The following POU2F1 variants were observed in gnomAD, a reference collection of about 807,000 sequenced individuals.
The protein encoded by POU2F1 is POU domain, class 2, transcription factor 1.
A neutral mutation model predicts 84.9 loss-of-function variants in POU2F1; 16 were observed. The observed-to-expected ratio is 0.19, with a 90% CI of 0.13 to 0.29. The LOEUF is 0.29. Among genes scored for constraint, POU2F1 ranks in the 10% least tolerant of loss-of-function variants. The probability of loss-of-function intolerance (pLI) is 1.00; values close to 1 mark genes in which losing one functional copy is unlikely to be tolerated. For missense variants in POU2F1, 738 were observed against 942.6 expected (o/e 0.78, Z 2.84); for synonymous variants, 368 against 368.3 (o/e 1.00, Z 0.01).
intron 2 of POU2F1, among the ~76,000 whole-genome samples, chr1:167,363,586 T>A (rs1659480903): frequency 6.6e-6 from 1 of 152,104 alleles, no homozygotes; most frequent in African/African-American, 2.4e-5. Context: ...TGGAAAAAAA[T>A]AAAAAATAAA....
At chr1:167,224,940 T>C (rs2102323364) in intron 1 of POU2F1, among the ~76,000 whole-genome samples, 1 of 151,012 alleles carries the variant, frequency 6.6e-6, no homozygotes, top group East Asian at 2.0e-4. Context: ...GTGATTCTCC[T>C]GCCTCAGCCT....
intron 2 of POU2F1, among the ~76,000 whole-genome samples, chr1:167,344,533 A>G (rs996417314): frequency 2.6e-5 from 4 of 152,218 alleles, no homozygotes; most frequent in African/African-American, 9.6e-5. Flanking sequence ...TCAGACCCTG[A>G]AATCAAACCC....
At chr1:167,239,568 C>T (rs1649752140) in intron 1 of POU2F1, among the ~76,000 whole-genome samples, 1 of 152,202 alleles carries the variant, frequency 6.6e-6, no homozygotes, top group African/African-American at 2.4e-5. Flanking sequence ...ACTCCCACCC[C>T]AACCCTCACT....
intron 2 of POU2F1, among the ~76,000 whole-genome samples, chr1:167,352,489 G>T (rs187721937): frequency 4.6e-5 from 7 of 152,112 alleles, no homozygotes; most frequent in Non-Finnish European, 7.4e-5. Context: ...CTTCGTCATT[G>T]GATGGTTTAG....
At chr1:167,360,063 A>G (rs1011843033) in intron 2 of POU2F1, among the ~76,000 whole-genome samples, 2 of 151,152 alleles carry the variant, frequency 1.3e-5, no homozygotes, top group Admixed American at 1.3e-4. Flanking sequence ...TAGATTTTGG[A>G]TATTAGTCCT....
chr1:167,399,378 A>T lies in POU2F1; in HGVS notation c.1449+13A>T, dbSNP rs1649034351. The T allele has an allele frequency of 1.4e-5, 22 of 1,599,106 alleles. No homozygotes were observed. The highest frequency in any genetic ancestry group is 1.9e-5 in the Non-Finnish European group (22 of 1,171,746). ...CCCAACTTCACTGGTAAGAATAAAA[A>T]ATAGGGAGTGCAAGCTCAAGGGCTA... is the stretch of plus-strand genomic sequence containing the variant. On this transcript the variant is annotated intron_variant, in intron 12 of 15. Coordinates refer to ENST00000367866, the MANE Select transcript of POU2F1 (RefSeq NM_002697.4).
At chr1:167,284,972 TTG>T (rs1653416476) in intron 1 of POU2F1, among the ~76,000 whole-genome samples, 2 of 152,214 alleles carry the variant, frequency 1.3e-5, no homozygotes, top group South Asian at 2.1e-4. Flanking sequence ...CTCGATTCAT[TTG>T]TGTTCATAGT....
In POU2F1 at chr1:167,372,024, A is replaced by G. The variant is rs372016100; in HGVS notation, c.390A>G (p.Gly130=). 8.7e-5 allele frequency: 141 copies of G among 1,613,108 alleles called. No individual in the cohort carries two copies. The highest frequency in any genetic ancestry group is 1.2e-4 in the Admixed American group (7 of 59,800). The change falls in exon 5 of 16, where the codon GGA becomes GGG. Residue 130 remains glycine, a synonymous_variant. Transcript: ENST00000367866. The part of the protein sequence containing the change: ...IPQTQLMLAG[G]QITGLTLTPA... ...AGACCCAGCTTATGCTAGCTGGAGG[A>G]CAGATAACTGGGGTAAGTGTTCACT...
chr1:167,348,409 G>A (rs767954879), intron 2 of POU2F1, among the ~76,000 whole-genome samples: 9 of 152,056 alleles, frequency 5.9e-5, no homozygotes, highest in African/African-American at 4.8e-5. Context: ...TAGAATTACC[G>A]CCAAACTTTT....
intron 1 of POU2F1, among the ~76,000 whole-genome samples, chr1:167,324,753 T>A (rs1436977670): frequency 6.6e-6 from 1 of 152,218 alleles, no homozygotes; most frequent in Non-Finnish European, 1.5e-5. Flanking sequence ...AAGATTATCC[T>A]TCAGATTGCT....
chr1:167,276,245 C>T (rs186018149), intron 1 of POU2F1, among the ~76,000 whole-genome samples: 70 of 152,314 alleles, frequency 4.6e-4, no homozygotes, highest in African/African-American at 1.6e-3. Flanking sequence ...TATACACTAC[C>T]TGCCTGTCAG....
chr1:167,339,260 T>A (rs1334037797), intron 2 of POU2F1, among the ~76,000 whole-genome samples: 1 of 152,160 alleles, frequency 6.6e-6, no homozygotes, highest in East Asian at 1.9e-4. Flanking sequence ...ACACTTACTA[T>A]CCTGAACTTC....
intron 1 of POU2F1, among the ~76,000 whole-genome samples, chr1:167,261,750 G>T (rs557169088): frequency 6.6e-6 from 1 of 152,248 alleles, no homozygotes; most frequent in East Asian, 1.9e-4. Flanking sequence ...CACAATCTTG[G>T]CTTGGCTCAC....
chr1:167,290,695 GT>G, intron 1 of POU2F1, among the ~76,000 whole-genome samples: 1 of 152,172 alleles, frequency 6.6e-6, no homozygotes, highest in Non-Finnish European at 1.5e-5. Context: ...TTTAAGAGTA[GT>G]TACTCATGAT....
intron 2 of POU2F1, among the ~76,000 whole-genome samples, chr1:167,363,672 C>G (rs1350155812): frequency 6.6e-6 from 1 of 152,154 alleles, no homozygotes; most frequent in African/African-American, 2.4e-5. Context: ...CTTAATTTTA[C>G]TAACTGTATA....
Position 167,269,609 on chromosome 1 carries a change from A to G in POU2F1, c.61+48651A>G, listed in dbSNP as rs186476769. On this transcript the variant is annotated intron_variant, in intron 1 of 15. Transcript: ENST00000367866. ...TTGAAATTAAAACTCTGTTATTTTA[A>G]TATGGTAAAGAGCAAGAGTTGGGTT... is the stretch of plus-strand genomic sequence containing the variant. Among the ~76,000 whole-genome samples, 5 of 152,306 alleles carry G rather than the reference A, an allele frequency of 3.3e-5. No homozygotes were observed. The East Asian group carries it at 9.6e-4, about 29-fold the overall frequency.
At chr1:167,359,929 G>A (rs1046165420) in intron 2 of POU2F1, among the ~76,000 whole-genome samples, 6 of 149,926 alleles carry the variant, frequency 4.0e-5, no homozygotes, top group Admixed American at 2.7e-4. Context: ...TTGTATTTCT[G>A]ATGATTAGTG....
intron 7 of POU2F1, chr1:167,376,473 T>C: frequency 4.7e-6 from 1 of 213,806 alleles, no homozygotes; most frequent in South Asian, 1.3e-4. Context: ...GTTTTGATTG[T>C]TTTTCATGGA....
chr1:167,407,380 G>GT (rs762517098), intron 13 of POU2F1, among the ~76,000 whole-genome samples: 86 of 152,174 alleles, frequency 5.7e-4, no homozygotes, highest in Non-Finnish European at 8.8e-4. Flanking sequence ...ATTCCAACAG[G>GT]TTTTTTCTTT....
Sources: allele counts gnomAD v4.1 joint callset (sites outside exome capture counted in the v4.1 genomes callset), GRCh38; gene constraint gnomAD v4.1.1; transcripts MANE v1.5; gene names NCBI Gene and HGNC (gene_info 2026-07-23, HGNC 2026-07-21).